Variants in ECT2 observed in about 807,000 individuals in gnomAD.
The protein encoded by ECT2 is epithelial cell transforming 2, also known as protein ECT2.
A neutral mutation model predicts 116.9 loss-of-function variants in ECT2; 61 were observed. The ratio of observed to expected loss-of-function variants is 0.52; its 90% CI spans 0.42 to 0.65. ECT2 has a LOEUF of 0.65. Among genes scored for constraint, ECT2 ranks in the 30% least tolerant of loss-of-function variants. The pLI, the probability that ECT2 is intolerant of heterozygous loss-of-function variation, is 0.00. For synonymous variants in ECT2, 358 were observed against 346.4 expected (o/e 1.03, Z -0.37); for missense variants, 937 against 1,078.7 (o/e 0.87, Z 1.84).
At chr3:172,815,747 T>G in intron 23 of ECT2, 36 bp downstream of exon 23, 99 of 1,270,804 alleles carry the variant, frequency 7.8e-5, no homozygotes, top group Non-Finnish European at 1.0e-4. Flanking sequence ...AGCACATCTC[T>G]AACATATTTT....
At chr3:172,753,336 G>A (rs980212521) in intron 1 of ECT2, among the ~76,000 whole-genome samples, 17 of 152,286 alleles carry the variant, frequency 1.1e-4, no homozygotes, top group Admixed American at 2.0e-4. Context: ...GCCCTCAAGT[G>A]ATCCTCCTGC....
intron 14 of ECT2, among the ~76,000 whole-genome samples, chr3:172,780,152 A>G (rs1026114740): frequency 6.6e-6 from 1 of 152,170 alleles, no homozygotes; most frequent in Admixed American, 6.5e-5. Context: ...GTATATATAC[A>G]TAGCATATAG....
downstream of ECT2, among the ~76,000 whole-genome samples, chr3:172,823,224 CAAAGTT>C (rs1206321230): frequency 6.6e-6 from 1 of 151,808 alleles, no homozygotes; most frequent in Non-Finnish European, 1.5e-5. Flanking sequence ...TCAATATAAA[CAAAGTT>C]AAAAACAGGT....
chr3:172,772,833 A>G (rs1720898999), intron 13 of ECT2, among the ~76,000 whole-genome samples: 2 of 152,232 alleles, frequency 1.3e-5, no homozygotes, highest in Admixed American at 6.5e-5. Flanking sequence ...TGCTTATGGC[A>G]GATGGTATTG....
Position 172,757,165 on chromosome 3 carries a change from G to T in ECT2, c.486G>T (p.Glu162Asp). 1.4e-6 allele frequency: 2 copies of T among 1,467,532 alleles called. No homozygotes were observed. Among genetic ancestry groups the T allele is most frequent in the Non-Finnish European group, 9.0e-7 (1 of 1,109,762 alleles). 90.9% of individuals were successfully genotyped at this position (1,467,532 alleles called of 1,614,324 possible). ...TATTAAATTGTTCACAAAAAGGAGA[G>T]GTAAGCATATACATTTATTATGACT... ...PVVLNCSQKG[E>D]PLPFSCRPLY... The change falls in exon 5 of 25, where the codon GAG becomes GAT. Residue 162 changes from glutamate to aspartate, a missense_variant and splice_region_variant. Transcript: ENST00000392692.
intron 14 of ECT2, among the ~76,000 whole-genome samples, chr3:172,776,769 C>T (rs1721812558): frequency 6.6e-6 from 1 of 151,998 alleles, no homozygotes; most frequent in African/African-American, 2.4e-5. Context: ...TAAATTTGTA[C>T]AGTTTTTCGT....
At chr3:172,781,579 A>T (rs1351948744) in intron 14 of ECT2, among the ~76,000 whole-genome samples, 2 of 152,170 alleles carry the variant, frequency 1.3e-5, no homozygotes, top group Admixed American at 1.3e-4. Flanking sequence ...TTTGTTTATT[A>T]TAAAGCTTTT....
At position 172,781,615 on chromosome 3, in the gene ECT2, G is replaced by T. The variant is rs148259992; in HGVS notation, c.1549-548G>T. On this transcript the variant is annotated intron_variant, in intron 14 of 24. Coordinates refer to ENST00000392692, the MANE Select transcript of ECT2 (RefSeq NM_001258315.2). ...AAATGTTCTTCTAAGTTTTTACAAA[G>T]AAGTAATATTTTAGAATGACCATGA... Among the ~76,000 whole-genome samples the T allele has an allele frequency of 2.0e-3, 304 of 152,212 alleles. 2 individuals carry two copies. The highest frequency in any genetic ancestry group is 7.1e-3 in the African/African-American group (295 of 41,536).
At chr3:172,781,740 T>G (rs1722732422) in intron 14 of ECT2, among the ~76,000 whole-genome samples, 1 of 152,210 alleles carries the variant, frequency 6.6e-6, no homozygotes, top group African/African-American at 2.4e-5. Context: ...TTATTCACAC[T>G]TTTAAATTTA....
At chr3:172,822,772 A>G (rs1010103931), downstream of ECT2, among the ~76,000 whole-genome samples, 4 of 152,040 alleles carry the variant, frequency 2.6e-5, no homozygotes, top group Admixed American at 6.6e-5. Flanking sequence ...GTAAAAATAG[A>G]GACCTGGCTG....
intron 14 of ECT2, among the ~76,000 whole-genome samples, chr3:172,780,893 T>G (rs968460966): frequency 3.3e-5 from 5 of 152,172 alleles, no homozygotes; most frequent in African/African-American, 9.7e-5. Flanking sequence ...TTGATTGGAT[T>G]GTCTTCTTGA....
intron 18 of ECT2, among the ~76,000 whole-genome samples, chr3:172,789,932 A>G (rs962235057): frequency 6.6e-6 from 1 of 152,196 alleles, no homozygotes; most frequent in Non-Finnish European, 1.5e-5. Context: ...AAAGTCATCC[A>G]TAAGGATTGG....
chr3:172,765,359 T>C (rs531741670), intron 12 of ECT2, among the ~76,000 whole-genome samples: 1 of 152,288 alleles, frequency 6.6e-6, no homozygotes, highest in Admixed American at 6.5e-5. Context: ...TCTTCTCTAT[T>C]GTACTCTCCC....
At chr3:172,767,991 C>G (rs1250148261) in intron 12 of ECT2, among the ~76,000 whole-genome samples, 2 of 152,164 alleles carry the variant, frequency 1.3e-5, no homozygotes, top group Non-Finnish European at 2.9e-5. Context: ...CTTGGCCTCC[C>G]AAAGCGTTGG....
chr3:172,783,857 A>T lies in ECT2; in HGVS notation c.1676A>T (p.Glu559Val). 1 of 1,607,942 alleles carries T rather than the reference A, an allele frequency of 6.2e-7. No homozygotes were observed. Among genetic ancestry groups the T allele is most frequent in the South Asian group, 1.1e-5 (1 of 89,608 alleles). ...PFVNFFEMSK[E>V]TIIKCEKQKP... The stretch of plus-strand genomic sequence containing the variant: ...GTAAACTTCTTTGAAATGAGCAAGG[A>T]AACAATTATTAAATGTGAAAAACAG... The change falls in exon 16 of 25, where the codon GAA becomes GTA. Residue 559 changes from glutamate to valine, a missense_variant. Coordinates refer to ENST00000392692, the MANE Select transcript of ECT2 (RefSeq NM_001258315.2).
intron 22 of ECT2, among the ~76,000 whole-genome samples, chr3:172,814,891 A>G (rs1044038504): frequency 1.3e-5 from 2 of 152,176 alleles, no homozygotes; most frequent in Non-Finnish European, 2.9e-5. Flanking sequence ...CAATAGAACA[A>G]CAGAACTTAT....
chr3:172,826,121 C>G (rs540368933), downstream of ECT2, among the ~76,000 whole-genome samples: 1 of 152,144 alleles, frequency 6.6e-6, no homozygotes, highest in Admixed American at 6.5e-5. Flanking sequence ...TCTCGAACTC[C>G]TGACCTCAGG....
intron 22 of ECT2, among the ~76,000 whole-genome samples, chr3:172,811,862 A>G (rs1728816490): frequency 6.6e-6 from 1 of 152,208 alleles, no homozygotes; most frequent in Non-Finnish European, 1.5e-5. Context: ...ATACAACAGT[A>G]TACTGCAGTA....
intron 18 of ECT2, among the ~76,000 whole-genome samples, chr3:172,794,860 G>A (rs1576981418): frequency 6.6e-6 from 1 of 151,936 alleles, no homozygotes; most frequent in South Asian, 2.1e-4. Context: ...GACTACAGGT[G>A]CGCACCATCA....
Sources: allele counts gnomAD v4.1 joint callset (sites outside exome capture counted in the v4.1 genomes callset), GRCh38; gene constraint gnomAD v4.1.1; transcripts MANE v1.5; gene names NCBI Gene and HGNC (gene_info 2026-07-23, HGNC 2026-07-21).